The following PTPN22 variants were observed in gnomAD, a reference collection of about 807,000 sequenced individuals.
The protein encoded by PTPN22 is tyrosine-protein phosphatase non-receptor type 22.
PTPN22 carries 85 observed loss-of-function variants against 103.3 expected under a neutral mutation model. The observed-to-expected ratio is 0.82, with a 90% CI of 0.69 to 0.99. The LOEUF (loss-of-function observed/expected upper bound fraction) is 0.99. Among genes scored for constraint, PTPN22 ranks in the 50% least tolerant of loss-of-function variants. The pLI, the probability that PTPN22 is intolerant of heterozygous loss-of-function variation, is 0.00. For missense variants in PTPN22, 865 were observed against 936.9 expected (o/e 0.92, Z 1.00); for synonymous variants, 323 against 310.2 (o/e 1.04, Z -0.43).
chr1:113,857,968 C>T (rs55730164), intron 4 of PTPN22, 192 bp from the exon 5 acceptor site: 12,444 of 469,784 alleles, frequency 0.026, 282 homozygotes, highest in Admixed American at 0.089. Flanking sequence ...CAATACTTCC[C>T]CTTTCTCTGT....
intron 20 of PTPN22, among the ~76,000 whole-genome samples, chr1:113,815,800 T>A (rs1376411302): frequency 6.6e-6 from 1 of 152,186 alleles, no homozygotes; most frequent in Non-Finnish European, 1.5e-5. Flanking sequence ...TGCCTCAGCC[T>A]CCTGAGTAGC....
intron 1 of PTPN22, among the ~76,000 whole-genome samples, chr1:113,862,198 G>A (rs993747902): frequency 1.3e-5 from 2 of 152,042 alleles, no homozygotes; most frequent in Non-Finnish European, 2.9e-5. Flanking sequence ...AAGGAGAATC[G>A]CTTGAACCTG....
intron 18 of PTPN22, among the ~76,000 whole-genome samples, chr1:113,825,448 G>A (rs979497765): frequency 2.6e-5 from 4 of 151,810 alleles, no homozygotes; most frequent in Admixed American, 6.6e-5. Context: ...CTGTAATCCC[G>A]GCACTTTGAG....
rs547079573 is a variant in PTPN22 at position 113,851,444 on chromosome 1, G to A, written c.828+583C>T. ...GCTGGGATTACAGGTGTCAGCCACC[G>A]CGCCCGGCCCAATTATGTTTTTTCT... is the stretch of plus-strand genomic sequence containing the variant. On this transcript the variant is annotated intron_variant, in intron 10 of 20. Transcript: ENST00000359785. 1.2e-4 allele frequency among the ~76,000 whole-genome samples: 18 copies of A among 152,196 alleles called. No homozygotes were observed. In the South Asian group the frequency reaches 3.1e-3, roughly 26 times the overall value.
At position 113,840,093 on chromosome 1, in the gene PTPN22, C is replaced by A. The variant is rs575377725; in HGVS notation, c.916-1473G>T. On this transcript the variant is annotated intron_variant, in intron 11 of 20. Coordinates refer to ENST00000359785, the Ensembl canonical transcript of PTPN22. Reference sequence around the variant, plus strand: ...CGGGCATGTGGTGCACACCTGTAATCCCACCTATTCGGGAGGCTGAAGCAG... The same window carrying A: ...CGGGCATGTGGTGCACACCTGTAATACCACCTATTCGGGAGGCTGAAGCAG... Among the ~76,000 whole-genome samples, 85 of 152,046 alleles carry A rather than the reference C, an allele frequency of 5.6e-4. 1 individual carries two copies. The highest frequency in any genetic ancestry group is 7.8e-4 in the Non-Finnish European group (53 of 67,982).
chr1:113,861,881 T>C (rs1312207484), intron 1 of PTPN22, among the ~76,000 whole-genome samples: 2 of 152,080 alleles, frequency 1.3e-5, no homozygotes, highest in South Asian at 2.1e-4. Context: ...AGAAAAGATA[T>C]GAGATCTAAA....
intron 13 of PTPN22, among the ~76,000 whole-genome samples, chr1:113,835,314 C>G (rs1489140719): frequency 6.6e-6 from 1 of 152,062 alleles, no homozygotes; most frequent in South Asian, 2.1e-4. Context: ...GTCAGGAGAT[C>G]GAAACCATCC....
At chr1:113,871,464 C>T (rs533142146) in intron 1 of PTPN22, 73 bp downstream of exon 1, 18 of 1,291,630 alleles carry the variant, frequency 1.4e-5, no homozygotes, top group South Asian at 3.8e-5. Flanking sequence ...AATTTGGTCT[C>T]GGAAAATTGG....
At chr1:113,822,937 C>A (rs771404345) in intron 19 of PTPN22, among the ~76,000 whole-genome samples, 20 of 152,232 alleles carry the variant, frequency 1.3e-4, no homozygotes, top group Non-Finnish European at 2.4e-4. Context: ...CCAGCCTGGG[C>A]GACAGAGCTA....
chr1:113,861,152 A>G (rs1665549932), intron 1 of PTPN22, among the ~76,000 whole-genome samples: 2 of 152,242 alleles, frequency 1.3e-5, no homozygotes, highest in South Asian at 4.1e-4. Flanking sequence ...GTAATGTATG[A>G]AAGATTTGAT....
At chr1:113,818,004 G>T (rs1023817497) in intron 20 of PTPN22, among the ~76,000 whole-genome samples, 5 of 147,728 alleles carry the variant, frequency 3.4e-5, no homozygotes, top group Admixed American at 2.0e-4. Flanking sequence ...TGCCCAGACT[G>T]GTCTTCAACT....
At chr1:113,851,156 AT>A (rs5777169) in intron 10 of PTPN22, among the ~76,000 whole-genome samples, 35 of 146,682 alleles carry the variant, frequency 2.4e-4, no homozygotes, top group Admixed American at 2.7e-4. Context: ...TGTGATTGTA[AT>A]TTTTTTTTTT....
chr1:113,827,067 ATTC>A (rs1662146930), intron 18 of PTPN22, among the ~76,000 whole-genome samples: 1 of 152,114 alleles, frequency 6.6e-6, no homozygotes, highest in Non-Finnish European at 1.5e-5. Context: ...CAGGCATTTT[ATTC>A]TTCTTGATAA....
intron 18 of PTPN22, among the ~76,000 whole-genome samples, chr1:113,828,767 C>T (rs900762337): frequency 6.6e-6 from 1 of 152,150 alleles, no homozygotes; most frequent in African/African-American, 2.4e-5. Context: ...TCCTGAGTAG[C>T]TGGGACTGCA....
intron 1 of PTPN22, among the ~76,000 whole-genome samples, chr1:113,864,692 C>T (rs1284692715): frequency 6.6e-6 from 1 of 150,382 alleles, no homozygotes; most frequent in African/African-American, 2.5e-5. Context: ...GGGCAGATCA[C>T]GAGGTCGGGA....
chr1:113,819,336 A>G, intron 20 of PTPN22: 1 of 249,402 alleles, frequency 4.0e-6, no homozygotes, highest in Non-Finnish European at 7.6e-6. Context: ...TATTTACTAC[A>G]TGCCAACACA....
chr1:113,831,412 A>G (rs948583588), intron 16 of PTPN22, among the ~76,000 whole-genome samples: 5 of 152,110 alleles, frequency 3.3e-5, no homozygotes, highest in African/African-American at 1.2e-4. Context: ...TCTTTCCCCC[A>G]GCCCCTGGCA....
chr1:113,815,369 T>C (rs1661065103), intron 20 of PTPN22: 1 of 159,430 alleles, frequency 6.3e-6, no homozygotes, highest in Admixed American at 6.3e-5. Context: ...ATTATTGTAT[T>C]ACATCTAGTT....
Position 113,837,589 on chromosome 1 carries a change from C to T in PTPN22, c.1810+1G>A. 6.5e-7 allele frequency: 1 copy of T among 1,546,302 alleles called. No individual in the cohort carries two copies. Among genetic ancestry groups the T allele is most frequent in the Non-Finnish European group, 8.9e-7 (1 of 1,124,454 alleles). ...TATGCAAACTTTAAAAAATAACTTA[C>T]CTAGTACAGCTGACTCCTGGTTCAA... On this transcript the variant is annotated splice_donor_variant, in intron 13 of 20. Coordinates refer to ENST00000359785, the Ensembl canonical transcript of PTPN22. LOFTEE classifies it high-confidence loss of function.
Sources: gnomAD v4.1 joint callset for allele counts (sites outside exome capture counted in the v4.1 genomes callset) on GRCh38, gnomAD v4.1.1 for gene constraint, MANE v1.5 for transcripts, NCBI Gene and HGNC (gene_info 2026-07-23, HGNC 2026-07-21) for gene names.